The following CCDC33 variants were observed in gnomAD, a reference collection of about 807,000 sequenced individuals.
CCDC33 encodes the protein coiled-coil domain containing 33, also known as coiled-coil domain-containing protein 33.
A neutral mutation model predicts 91.9 loss-of-function variants in CCDC33; 94 were observed. The ratio of observed to expected loss-of-function variants is 1.02; its 90% CI spans 0.87 to 1.21. The LOEUF is 1.21. Among genes scored for constraint, CCDC33 ranks in the 50% most tolerant of loss-of-function variants. CCDC33 has a pLI of 0.00. For synonymous variants in CCDC33, 396 were observed against 374.5 expected, an observed-to-expected ratio of 1.06 and a Z score of -0.66; for missense variants, 940 against 935.5, an observed-to-expected ratio of 1.00 and a Z score of -0.06.
intron 1 of CCDC33, among the ~76,000 whole-genome samples, chr15:74,243,005 C>A (rs943142570): frequency 2.0e-5 from 3 of 152,078 alleles, no homozygotes; most frequent in Non-Finnish European, 2.9e-5. Flanking sequence ...TCCCTGACCG[C>A]CTCAGCCGGC....
At chr15:74,206,022 C>T (rs139152519) in intron 1 of CCDC33, among the ~76,000 whole-genome samples, 23 of 152,344 alleles carry the variant, frequency 1.5e-4, no homozygotes, top group African/African-American at 5.5e-4. Flanking sequence ...CTGGGACTGG[C>T]TATGTGGCCT....
At chr15:74,217,872 G>A (rs2074488678) in intron 1 of CCDC33, among the ~76,000 whole-genome samples, 1 of 152,126 alleles carries the variant, frequency 6.6e-6, no homozygotes, top group African/African-American at 2.4e-5. Context: ...TGAGCACACA[G>A]TGGGTTTGGG....
intron 2 of CCDC33, among the ~76,000 whole-genome samples, chr15:74,211,174 CACACACA>C (rs2074363874): frequency 6.6e-6 from 1 of 151,846 alleles, no homozygotes; most frequent in Non-Finnish European, 1.5e-5. Flanking sequence ...CACACACACA[CACACACA>C]CCTCACTGCT....
rs868320735 is a variant in CCDC33 at position 74,208,111 on chromosome 15, G to A, written n.90-1277G>A. On this transcript the variant is annotated intron_variant and non_coding_transcript_variant, in intron 1 of 3. Transcript: ENST00000558645. ...GGGTGGACACTGGTGAGGAGGAGGA[G>A]GGTAGCCGGCTGTGCCAGGGGAGCA... The A allele has an allele frequency of 2.7e-6, 3 of 1,124,820 alleles. No homozygotes were observed. In the African/African-American group the frequency reaches 4.8e-5, roughly 18 times the overall value. 69.7% of individuals were successfully genotyped at this position (1,124,820 alleles called of 1,614,324 possible).
intron 1 of CCDC33, among the ~76,000 whole-genome samples, chr15:74,237,441 AG>A (rs1287896704): frequency 6.6e-6 from 1 of 152,236 alleles, no homozygotes; most frequent in Non-Finnish European, 1.5e-5. Context: ...GGATAGCAGA[AG>A]GAGCTGAGAC....
At chr15:74,296,553 G>T (rs1266188631) in intron 11 of CCDC33, among the ~76,000 whole-genome samples, 1 of 152,208 alleles carries the variant, frequency 6.6e-6, no homozygotes, top group Non-Finnish European at 1.5e-5. Flanking sequence ...TTGAACCTGG[G>T]AGGTGGAGGT....
intron 10 of CCDC33, among the ~76,000 whole-genome samples, chr15:74,293,737 A>G (rs1235111894): frequency 6.6e-6 from 1 of 152,204 alleles, no homozygotes; most frequent in Non-Finnish European, 1.5e-5. Context: ...GTGGCCTGCC[A>G]AAGTCAGCCT....
intron 2 of CCDC33, among the ~76,000 whole-genome samples, chr15:74,258,920 C>T (rs1467185557): frequency 2.0e-5 from 3 of 152,116 alleles, no homozygotes; most frequent in Non-Finnish European, 4.4e-5. Flanking sequence ...GGGGTGGGGG[C>T]CCCAGGAATG....
At chr15:74,240,269 C>T (rs1338154997) in intron 1 of CCDC33, among the ~76,000 whole-genome samples, 1 of 152,218 alleles carries the variant, frequency 6.6e-6, no homozygotes, top group Non-Finnish European at 1.5e-5. Context: ...GAGGAGGAGC[C>T]GGTGTGACTC....
chr15:74,279,935 A>C (rs1596015216), intron 7 of CCDC33, 28 bp from the exon 8 acceptor site: 1 of 1,605,016 alleles, frequency 6.2e-7, no homozygotes, highest in Non-Finnish European at 8.5e-7. Context: ...TGTGGCCCCC[A>C]CCACCTGCTC....
chr15:74,299,399 A>C (rs2059749002), intron 11 of CCDC33: 1 of 152,386 alleles, frequency 6.6e-6, no homozygotes, highest in South Asian at 2.1e-4. Flanking sequence ...TCTGGGCTCC[A>C]GAGCCCTGCC....
intron 11 of CCDC33, among the ~76,000 whole-genome samples, chr15:74,326,833 G>A (rs1177868556): frequency 6.6e-6 from 1 of 152,150 alleles, no homozygotes; most frequent in East Asian, 1.9e-4. Context: ...GGAGTCAGCA[G>A]GACCACAACA....
At position 74,280,677 on chromosome 15, in the gene CCDC33, G is replaced by A; in HGVS notation, c.899G>A (p.Ser300Asn). ...GATCCTTCCCCCACAGTGAAAGGCA[G>A]CCAGCCGTGGACCCTCAACCAGCCC... ...EYYSSTSMKG[S>N]QPWTLNQPLG... is the part of the protein sequence containing the mutation. The change falls in exon 9 of 19, where the codon AGC becomes AAC. Residue 300 changes from serine to asparagine, a missense_variant. Ser to Asn is a conservative substitution (Grantham distance 46). Coordinates refer to ENST00000398814, the MANE Select transcript of CCDC33 (RefSeq NM_025055.5). 1 of 1,492,108 alleles carries A rather than the reference G, an allele frequency of 6.7e-7. No homozygotes were observed. The highest frequency in any genetic ancestry group is 8.9e-7 in the Non-Finnish European group (1 of 1,118,454). 92.4% of individuals were successfully genotyped at this position (1,492,108 alleles called of 1,614,324 possible).
chr15:74,257,666 C>T (rs2075909024), intron 2 of CCDC33, among the ~76,000 whole-genome samples: 1 of 152,254 alleles, frequency 6.6e-6, no homozygotes, highest in African/African-American at 2.4e-5. Flanking sequence ...CAAACAGCCC[C>T]CCTCAAGCCT....
intron 1 of CCDC33, among the ~76,000 whole-genome samples, chr15:74,206,292 G>C (rs992588549): frequency 1.3e-5 from 2 of 152,230 alleles, no homozygotes; most frequent in Admixed American, 1.3e-4. Flanking sequence ...ATGGATAGCG[G>C]GTGGCCGCGT....
chr15:74,270,908 G>A (rs1474063417), intron 5 of CCDC33, among the ~76,000 whole-genome samples: 1 of 152,170 alleles, frequency 6.6e-6, no homozygotes, highest in Non-Finnish European at 1.5e-5. Context: ...GTAGAGGAGA[G>A]GGCAGTCAGG....
At chr15:74,276,351 C>T (rs2076449633) in intron 7 of CCDC33, among the ~76,000 whole-genome samples, 1 of 152,192 alleles carries the variant, frequency 6.6e-6, no homozygotes, top group Non-Finnish European at 1.5e-5. Context: ...TTACTCCTAC[C>T]CCGGCACCTT....
At chr15:74,324,085 A>G (rs2060259891) in intron 11 of CCDC33, among the ~76,000 whole-genome samples, 1 of 100,076 alleles carries the variant, frequency 1.0e-5, no homozygotes, top group Admixed American at 1.2e-4. Context: ...AAGAGACTCC[A>G]TCTCAAAAAA....
intron 13 of CCDC33, 75 bp from the exon 14 acceptor site, chr15:74,330,906 C>T (rs1018560945): frequency 1.8e-5 from 28 of 1,534,084 alleles, no homozygotes; most frequent in South Asian, 7.6e-5. Flanking sequence ...GCAGAGGGGC[C>T]GAGGTGGACC....
Sources: allele counts gnomAD v4.1 joint callset (sites outside exome capture counted in the v4.1 genomes callset), GRCh38; gene constraint gnomAD v4.1.1; transcripts MANE v1.5; gene names NCBI Gene and HGNC (gene_info 2026-07-23, HGNC 2026-07-21).